The following IL1RAPL2 variants were observed in gnomAD, a reference collection of about 807,000 sequenced individuals.
IL1RAPL2 encodes the protein interleukin 1 receptor accessory protein like 2.
Under a neutral mutation model 44.1 loss-of-function variants are expected in IL1RAPL2, and 3 were observed. The observed-to-expected ratio is 0.07, with a 90% CI of 0.03 to 0.18. The LOEUF (loss-of-function observed/expected upper bound fraction) is 0.18. Ranked by LOEUF, IL1RAPL2 falls within the 10% of genes least tolerant of loss-of-function variation. IL1RAPL2 has a pLI of 1.00. For missense variants in IL1RAPL2, 391 were observed against 496.4 expected, an observed-to-expected ratio of 0.79 and a Z score of 2.02; for synonymous variants, 181 against 178.8, an observed-to-expected ratio of 1.01 and a Z score of -0.10.
intron 2 of IL1RAPL2, among the ~76,000 whole-genome samples, chrX:105,059,063 C>T (rs1690093922): frequency 8.9e-6 from 1 of 111,778 alleles, no homozygotes; most frequent in Non-Finnish European, 1.9e-5. Flanking sequence ...TAATAATTCA[C>T]GTCAGGGCAA....
chrX:104,905,187 T>C (rs1188640839), intron 2 of IL1RAPL2, among the ~76,000 whole-genome samples: 7 of 112,099 alleles, frequency 6.2e-5, no homozygotes, highest in Non-Finnish European at 1.1e-4. Context: ...GAGTTCATTG[T>C]AGATTCTGGA....
chrX:105,677,633 G>A (rs1327080312), intron 6 of IL1RAPL2, among the ~76,000 whole-genome samples: 2 of 111,620 alleles, frequency 1.8e-5, no homozygotes, highest in East Asian at 5.6e-4. Context: ...TCTCAGTACT[G>A]TTGACATTTA....
chrX:105,379,469 T>C (rs1405189467), intron 5 of IL1RAPL2, among the ~76,000 whole-genome samples: 3 of 111,560 alleles, frequency 2.7e-5, no homozygotes, highest in Non-Finnish European at 5.7e-5. Flanking sequence ...ACATGAAACA[T>C]AGGGAGGGGT....
intron 6 of IL1RAPL2, among the ~76,000 whole-genome samples, chrX:105,698,691 G>T (rs2147536935): frequency 8.9e-6 from 1 of 112,072 alleles, no homozygotes; most frequent in Non-Finnish European, 1.9e-5. Flanking sequence ...GAATGTAAGA[G>T]AAATAAGCTT....
At chrX:105,273,339 C>T (rs1306877757) in intron 5 of IL1RAPL2, among the ~76,000 whole-genome samples, 3 of 111,073 alleles carry the variant, frequency 2.7e-5, no homozygotes, top group African/African-American at 6.6e-5. Flanking sequence ...TCTCCCCACC[C>T]TCCCCGGAGG....
chrX:105,631,334 G>T (rs1371297318), intron 6 of IL1RAPL2, among the ~76,000 whole-genome samples: 1 of 111,832 alleles, frequency 8.9e-6, no homozygotes, highest in Non-Finnish European at 1.9e-5. Context: ...CAGCCAAAGG[G>T]TTAAAGCTGA....
intron 2 of IL1RAPL2, among the ~76,000 whole-genome samples, chrX:104,946,262 A>G (rs1223000158): frequency 1.0e-5 from 1 of 98,201 alleles, no homozygotes; most frequent in African/African-American, 3.7e-5. Flanking sequence ...AGTCCCAGCT[A>G]CTCGGGAGGC....
At chrX:105,355,753 A>G (rs888693595) in intron 5 of IL1RAPL2, among the ~76,000 whole-genome samples, 2 of 111,695 alleles carry the variant, frequency 1.8e-5, no homozygotes, top group Non-Finnish European at 3.8e-5. Context: ...AAATTCCTAT[A>G]AGTGGAAGGC....
intron 2 of IL1RAPL2, among the ~76,000 whole-genome samples, chrX:104,838,613 G>T (rs973759995): frequency 2.7e-5 from 3 of 110,737 alleles, no homozygotes; most frequent in Non-Finnish European, 5.7e-5. Context: ...TCAGCTTATG[G>T]TGTTTTGGGG....
intron 1 of IL1RAPL2, among the ~76,000 whole-genome samples, chrX:104,634,141 T>G (rs1463101622): frequency 2.7e-5 from 3 of 111,682 alleles, no homozygotes; most frequent in Non-Finnish European, 5.6e-5. Flanking sequence ...AGTTTCCATG[T>G]AGTTGAGCAG....
intron 2 of IL1RAPL2, among the ~76,000 whole-genome samples, chrX:104,866,263 C>T (rs1231807270): frequency 8.9e-6 from 1 of 111,758 alleles, no homozygotes; most frequent in African/African-American, 3.3e-5. Context: ...TAGGTTACAA[C>T]TAGCATTTAA....
At chrX:104,712,403 T>C (rs1452791375) in intron 2 of IL1RAPL2, among the ~76,000 whole-genome samples, 1 of 110,699 alleles carries the variant, frequency 9.0e-6, no homozygotes, top group Non-Finnish European at 1.9e-5. Context: ...AGACTAGGGT[T>C]TAAACGACAG....
chrX:105,408,040 T>C (rs2035661795), intron 5 of IL1RAPL2, among the ~76,000 whole-genome samples: 1 of 111,914 alleles, frequency 8.9e-6, no homozygotes, highest in Non-Finnish European at 1.9e-5. Flanking sequence ...AAAGCTTATA[T>C]GAGTGAATAT....
In IL1RAPL2 at chrX:105,640,797, T is replaced by G. The variant is rs183410058; in HGVS notation, c.773-76570T>G. On this transcript the variant is annotated intron_variant, in intron 6 of 10. Transcript: ENST00000372582. The stretch of plus-strand genomic sequence containing the variant: ...ATATAGATATAGATATAGATATAGA[T>G]AGAGAGAGAGACCGAGAGAGAGTGC... Among the ~76,000 whole-genome samples, 565 of 84,928 alleles carry G rather than the reference T, an allele frequency of 6.7e-3. 2 individuals are homozygous for G. Among genetic ancestry groups the G allele is most frequent in the African/African-American group, 0.011 (261 of 22,873 alleles). The allele number at this position is 84,928 out of a possible 115,157, so 73.7% of individuals were successfully genotyped here. A position where few individuals can be genotyped will look rare whatever the true frequency, so the allele number is the denominator to read the frequency against.
intron 2 of IL1RAPL2, among the ~76,000 whole-genome samples, chrX:104,659,541 T>A (rs1395052211): frequency 4.5e-5 from 5 of 112,124 alleles, no homozygotes; most frequent in Non-Finnish European, 9.4e-5. Flanking sequence ...CAGCCATGAC[T>A]GTACTAAGAG....
intron 5 of IL1RAPL2, among the ~76,000 whole-genome samples, chrX:105,449,457 T>G (rs969342984): frequency 1.3e-4 from 14 of 110,056 alleles, no homozygotes; most frequent in South Asian, 3.9e-4. Context: ...GGTGGCGGGC[T>G]CCTGTAGTCC....
intron 2 of IL1RAPL2, among the ~76,000 whole-genome samples, chrX:105,185,410 A>G (rs2033575439): frequency 8.9e-6 from 1 of 112,238 alleles, no homozygotes; most frequent in African/African-American, 3.2e-5. Context: ...ATTTTAAAAA[A>G]TAATAAAGAA....
intron 4 of IL1RAPL2, among the ~76,000 whole-genome samples, chrX:105,236,330 G>A (rs1556201682): frequency 8.9e-6 from 1 of 112,142 alleles, no homozygotes; most frequent in East Asian, 2.8e-4. Context: ...TGAAGCAACA[G>A]GCCTTTCCAG....
rs778463024 is a variant in IL1RAPL2, at chrX:104,797,051, G to A, written c.82+138056G>A. 2.7e-5 allele frequency among the ~76,000 whole-genome samples: 3 copies of A among 110,649 alleles called. No homozygotes were observed. The East Asian group carries it at 8.6e-4, about 32-fold the overall frequency. ...CCTCCCAAAGTGCTGGGATTAATAG[G>A]TGTGAGCCACCACGTCTGGCATTGT... is the stretch of plus-strand genomic sequence containing the variant. On this transcript the variant is annotated intron_variant, in intron 2 of 10. Transcript: ENST00000372582.
Sources: allele counts gnomAD v4.1 joint callset (sites outside exome capture counted in the v4.1 genomes callset), GRCh38; gene constraint gnomAD v4.1.1; transcripts MANE v1.5; gene names NCBI Gene and HGNC (gene_info 2026-07-23, HGNC 2026-07-21).